The following SLC22A15 variants were observed in gnomAD, a reference collection of about 807,000 sequenced individuals.
SLC22A15 encodes solute carrier family 22 member 15, also known as flipt 1.
A neutral mutation model predicts 62.7 loss-of-function variants in SLC22A15; 45 were observed. The observed-to-expected ratio is 0.72, with a 90% CI of 0.56 to 0.92. The LOEUF (loss-of-function observed/expected upper bound fraction) is 0.92. Ranked by LOEUF, SLC22A15 falls within the 40% of genes least tolerant of loss-of-function variation. The pLI is 0.00. For synonymous variants in SLC22A15, 264 were observed against 267.0 expected, an observed-to-expected ratio of 0.99 and a Z score of 0.11; for missense variants, 622 against 665.6, an observed-to-expected ratio of 0.93 and a Z score of 0.72.
At chr1:116,050,488 A>G (rs1658020568) in intron 8 of SLC22A15, among the ~76,000 whole-genome samples, 1 of 152,194 alleles carries the variant, frequency 6.6e-6, no homozygotes. Context: ...AAAAACAAAA[A>G]TCACATGATC....
chr1:116,019,546 T>C (rs1365313247), intron 2 of SLC22A15, 36 bp from the exon 3 acceptor site: 1 of 1,560,130 alleles, frequency 6.4e-7, no homozygotes, highest in African/African-American at 1.4e-5. Flanking sequence ...GCTAACTGAA[T>C]CCTACATGTC....
intron 2 of SLC22A15, among the ~76,000 whole-genome samples, chr1:115,997,734 G>A (rs1655497687): frequency 6.6e-6 from 1 of 151,738 alleles, no homozygotes; most frequent in South Asian, 2.1e-4. Context: ...CATATCATCT[G>A]CAAACAAGGG....
intron 1 of SLC22A15, among the ~76,000 whole-genome samples, chr1:115,984,796 A>G (rs10802139): frequency 0.49 from 73,886 of 151,880 alleles, 20,667 homozygotes; most frequent in Non-Finnish European, 0.64. Context: ...GACTCTGTGT[A>G]GGTCTAGGCT....
chr1:116,007,376 G>A (rs552738959), intron 2 of SLC22A15, among the ~76,000 whole-genome samples: 1 of 152,196 alleles, frequency 6.6e-6, no homozygotes, highest in Non-Finnish European at 1.5e-5. Flanking sequence ...TCCAGATGCT[G>A]AACTGGCTGC....
In SLC22A15 at chr1:116,019,661, T is replaced by G; in HGVS notation, c.380T>G (p.Ile127Ser). 6.2e-7 allele frequency: 1 copy of G among 1,613,752 alleles called. No homozygotes were observed. The highest frequency in any genetic ancestry group is 8.5e-7 in the Non-Finnish European group (1 of 1,179,812). Residue 127 changes from isoleucine (I) to serine (S), a missense_variant, in exon 3 of 12, where the codon ATC (isoleucine) becomes AGC (serine). Ile to Ser is a moderately radical substitution (Grantham distance 142, BLOSUM62 -2). Coordinates refer to ENST00000369503, the MANE Select transcript of SLC22A15 (RefSeq NM_018420.3). ...FFFSGVFVGVISFGQLSDRFG... is the reference protein window; with the variant it reads ...FFFSGVFVGVSSFGQLSDRFG... ...TTCAGTGGTGTATTTGTTGGAGTTA[T>G]CTCTTTTGGTCAGCTTTCAGATCGC... is the stretch of plus-strand genomic sequence containing the variant.
At chr1:115,985,713 C>T (rs919263130) in intron 1 of SLC22A15, among the ~76,000 whole-genome samples, 1 of 151,868 alleles carries the variant, frequency 6.6e-6, no homozygotes, top group African/African-American at 2.4e-5. Context: ...CTTTGGCAGG[C>T]CGAGACAGGT....
At chr1:116,050,943 A>G (rs1424942362) in intron 8 of SLC22A15, among the ~76,000 whole-genome samples, 3 of 152,228 alleles carry the variant, frequency 2.0e-5, no homozygotes, top group Non-Finnish European at 2.9e-5. Flanking sequence ...CCAAGCAGAA[A>G]ATCAAATCAA....
At chr1:116,061,333 A>G (rs1658374289) in intron 8 of SLC22A15, among the ~76,000 whole-genome samples, 1 of 152,190 alleles carries the variant, frequency 6.6e-6, no homozygotes. Context: ...TGAGCTGCTT[A>G]GGGGAAGAGT....
At chr1:115,995,558 G>T (rs952424710) in intron 2 of SLC22A15, among the ~76,000 whole-genome samples, 1 of 152,066 alleles carries the variant, frequency 6.6e-6, no homozygotes, top group African/African-American at 2.4e-5. Context: ...GCCCAAAATG[G>T]TTATTTCTTA....
Position 116,000,615 on chromosome 1 carries a change from C to G in SLC22A15, c.300+8372C>G, listed in dbSNP as rs907887736. ...TGAGTTTTGTATCTTCATGTAATTT[C>G]TTTTTTTTCCTTTTTTTTTTTTTTT... is the stretch of plus-strand genomic sequence containing the variant. On this transcript the variant is annotated intron_variant, in intron 2 of 11. Transcript: ENST00000369503. Among the ~76,000 whole-genome samples the G allele has an allele frequency of 4.1e-5, 5 of 123,080 alleles. No homozygotes were observed. The South Asian group carries it at 8.1e-4, about 20-fold the overall frequency. The allele number at this position is 123,080 out of a possible 152,430, so 80.7% of individuals were successfully genotyped here.
intron 1 of SLC22A15, among the ~76,000 whole-genome samples, chr1:115,990,754 GT>G (rs969477939): frequency 2.0e-5 from 3 of 151,942 alleles, no homozygotes; most frequent in Non-Finnish European, 4.4e-5. Flanking sequence ...CATCACATCT[GT>G]TTTTTTGTTT....
chr1:116,047,273 A>C (rs1422952062), intron 8 of SLC22A15, among the ~76,000 whole-genome samples: 2 of 152,152 alleles, frequency 1.3e-5, no homozygotes, highest in African/African-American at 4.8e-5. Context: ...CTAAAAATAT[A>C]AAAATTAGCC....
chr1:116,035,055 C>T, intron 6 of SLC22A15, 132 bp from the exon 7 acceptor site: 1 of 949,454 alleles, frequency 1.1e-6, no homozygotes, highest in Non-Finnish European at 1.5e-6. Context: ...GTAGGAGAGA[C>T]AAGCTTATTG....
intron 2 of SLC22A15, among the ~76,000 whole-genome samples, chr1:116,007,854 A>C (rs1349614464): frequency 6.6e-6 from 1 of 152,256 alleles, no homozygotes; most frequent in African/African-American, 2.4e-5. Flanking sequence ...AAAAGAATAG[A>C]AGCCTTTAGT....
intron 8 of SLC22A15, among the ~76,000 whole-genome samples, chr1:116,047,262 C>A (rs1269965393): frequency 6.6e-6 from 1 of 151,986 alleles, no homozygotes; most frequent in East Asian, 1.9e-4. Flanking sequence ...CACCGTCTCT[C>A]CTAAAAATAT....
intron 8 of SLC22A15, among the ~76,000 whole-genome samples, chr1:116,055,474 G>A (rs901350151): frequency 7.4e-5 from 11 of 149,454 alleles, no homozygotes; most frequent in African/African-American, 2.5e-4. Context: ...TCTACCAGAG[G>A]TACAAGGAGG....
chr1:116,068,339 T>C lies in SLC22A15; in HGVS notation c.*1231T>C, dbSNP rs1457725584. The C allele has an allele frequency of 6.6e-6, 1 of 152,654 alleles. No individual in the cohort carries two copies. Among genetic ancestry groups the C allele is most frequent in the Non-Finnish European group, 1.5e-5 (1 of 68,040 alleles). 9.5% of individuals were successfully genotyped at this position (152,654 alleles called of 1,614,324 possible). A position where few individuals can be genotyped will look rare whatever the true frequency, so the allele number is the denominator to read the frequency against. On this transcript the variant is annotated 3_prime_UTR_variant, in exon 12 of 12. Transcript: ENST00000369503. ...TCACTTTCCCAGTGAGGAAAATTTC[T>C]GTGTTTTCAGAATTTCCATTTCTAC...
chr1:116,064,675 C>T (rs555001375), intron 10 of SLC22A15, among the ~76,000 whole-genome samples, 167 bp downstream of exon 10: 7 of 152,136 alleles, frequency 4.6e-5, no homozygotes, highest in African/African-American at 7.2e-5. Flanking sequence ...GGACTCTTAT[C>T]GAGGATTCAT....
chr1:115,983,902 T>C (rs1365256725), intron 1 of SLC22A15, among the ~76,000 whole-genome samples: 1 of 152,116 alleles, frequency 6.6e-6, no homozygotes, highest in Non-Finnish European at 1.5e-5. Context: ...GCTCTTTCAC[T>C]TTCACCCCTC....
Sources: gnomAD v4.1 joint callset for allele counts (sites outside exome capture counted in the v4.1 genomes callset) on GRCh38, gnomAD v4.1.1 for gene constraint, MANE v1.5 for transcripts, NCBI Gene and HGNC (gene_info 2026-07-23, HGNC 2026-07-21) for gene names.